The following AFP variants were observed in gnomAD, a reference collection of about 807,000 sequenced individuals.
The protein encoded by AFP is alpha-fetoprotein.
A neutral mutation model predicts 78.9 loss-of-function variants in AFP; 64 were observed. That is an observed-to-expected ratio of 0.81 (90% CI 0.66 to 1.00). The LOEUF is 1.00. Among genes scored for constraint, AFP ranks in the 50% least tolerant of loss-of-function variants. AFP has a pLI of 0.00. For synonymous variants in AFP, 254 were observed against 243.8 expected, an observed-to-expected ratio of 1.04 and a Z score of -0.39; for missense variants, 689 against 703.8, an observed-to-expected ratio of 0.98 and a Z score of 0.24.
At chr4:73,451,801 G>A (rs1286700692) in intron 11 of AFP, among the ~76,000 whole-genome samples, 1 of 152,204 alleles carries the variant, frequency 6.6e-6, no homozygotes, top group Admixed American at 6.5e-5. Flanking sequence ...GACAGATAAA[G>A]TGCACACAAA....
At chr4:73,446,810 C>T (rs1326412416) in intron 7 of AFP, among the ~76,000 whole-genome samples, 1 of 152,170 alleles carries the variant, frequency 6.6e-6, no homozygotes, top group Non-Finnish European at 1.5e-5. Context: ...GCACATTTCC[C>T]TCTTATTTGT....
At chr4:73,449,209 T>A (rs1222428080) in intron 8 of AFP, 126 bp from the exon 9 acceptor site, 2 of 848,984 alleles carry the variant, frequency 2.4e-6, no homozygotes, top group East Asian at 5.4e-5. Context: ...TCATATTTGA[T>A]TTTCAGGTTT....
chr4:73,452,573 A>T lies in AFP; in HGVS notation c.1601A>T (p.His534Leu), dbSNP rs775316747. 2.5e-6 allele frequency: 4 copies of T among 1,613,910 alleles called. No homozygotes were observed. Among genetic ancestry groups the T allele is most frequent in the African/African-American group, 1.3e-5 (1 of 74,874 alleles). The part of the protein sequence containing the change: ...PAFSDDKFIF[H>L]KDLCQAQGVA... Reference sequence around the variant, plus strand: ...TTCTCTGATGACAAGTTCATTTTCCATAAGGATCTGTGCCAAGCTCAGGGT... The same window carrying T: ...TTCTCTGATGACAAGTTCATTTTCCTTAAGGATCTGTGCCAAGCTCAGGGT... Residue 534 changes from histidine to leucine, a missense_variant, in exon 12 of 15, where the codon CAT (histidine) becomes CTT (leucine). By Grantham distance (99) the His-to-Leu change is moderately conservative (BLOSUM62 -3). Coordinates refer to ENST00000395792, the MANE Select transcript of AFP (RefSeq NM_001134.3).
At chr4:73,444,942 AT>A (rs770042886) in intron 6 of AFP, 50 bp from the exon 7 acceptor site, 4 of 1,484,858 alleles carry the variant, frequency 2.7e-6, no homozygotes, top group Non-Finnish European at 3.7e-6. Context: ...ATTCTATTTT[AT>A]TTTGACAGAT....
intron 3 of AFP, 79 bp from the exon 4 acceptor site, chr4:73,440,523 T>C (rs1719626855): frequency 4.3e-6 from 5 of 1,154,962 alleles, no homozygotes; most frequent in Non-Finnish European, 5.2e-6. Flanking sequence ...TTTTAGACAT[T>C]AGAAAATGTT....
intron 2 of AFP, 87 bp downstream of exon 2, chr4:73,437,298 C>T: frequency 9.3e-7 from 1 of 1,069,964 alleles, no homozygotes; most frequent in South Asian, 1.3e-5. Flanking sequence ...CCTGTGAGCT[C>T]TTAAAAGCAC....
chr4:73,442,912 A>T (rs1719712276), intron 5 of AFP, among the ~76,000 whole-genome samples: 2 of 152,160 alleles, frequency 1.3e-5, no homozygotes, highest in Non-Finnish European at 2.9e-5. Context: ...AGGTAGAATA[A>T]TATCCACCAT....
In AFP at chr4:73,436,258, C is replaced by A. The variant is rs372836099; in HGVS notation, c.-5C>A. On this transcript the variant is annotated 5_prime_UTR_variant, in exon 1 of 15. Coordinates refer to ENST00000395792, the MANE Select transcript of AFP (RefSeq NM_001134.3). ...CCACTGCCAATAACAAAATAACTAG[C>A]AACCATGAAGTGGGTGGAATCAATT... is the stretch of plus-strand genomic sequence containing the variant. 29 of 1,586,414 alleles carry A rather than the reference C, an allele frequency of 1.8e-5. No homozygotes were observed. Among genetic ancestry groups the A allele is most frequent in the Non-Finnish European group, 2.5e-5 (29 of 1,156,340 alleles).
Position 73,452,437 on chromosome 4 carries a change from G to A in AFP, c.1465G>A (p.Glu489Lys). 6.2e-7 allele frequency: 1 copy of A among 1,614,000 alleles called. No homozygotes were observed. The highest frequency in any genetic ancestry group is 1.1e-5 in the South Asian group (1 of 91,076). The change falls in exon 12 of 15, where the codon GAA (glutamate) becomes AAA (lysine). Residue 489 changes from glutamate (E) to lysine (K), a missense_variant. By Grantham distance (56) the Glu-to-Lys change is moderately conservative (BLOSUM62 1). Transcript: ENST00000395792. ...TATCGGACACTTATGTATCAGACAT[G>A]AAATGACTCCAGTAAACCCTGGTGT... ...IIIGHLCIRH[E>K]MTPVNPGVGQ...
rs1404110561 is a variant in AFP, at chr4:73,447,592, G to A, written c.974G>A (p.Gly325Asp). 4 of 1,612,198 alleles carry A rather than the reference G, an allele frequency of 2.5e-6. No individual in the cohort carries two copies. The highest frequency in any genetic ancestry group is 1.7e-5 in the Admixed American group (1 of 59,980). The change falls in exon 8 of 15, where the codon GGT becomes GAT. Residue 325 changes from glycine (G) to aspartate (D), a missense_variant. Gly to Asp is a moderately conservative substitution (Grantham distance 94). Transcript: ENST00000395792. ...GCAGAAAATGATGAAAAACCTGAAG[G>A]TCTATCTCCAAATCTAAACAGGTTT... The part of the protein sequence containing the change: ...IHAENDEKPE[G>D]LSPNLNRFLG...
At chr4:73,446,873 G>C (rs1442087494) in intron 7 of AFP, among the ~76,000 whole-genome samples, 1 of 152,134 alleles carries the variant, frequency 6.6e-6, no homozygotes, top group East Asian at 1.9e-4. Flanking sequence ...ATGGAAAGAA[G>C]AATTGAACAA....
chr4:73,443,714 T>G (rs901279733), intron 6 of AFP, among the ~76,000 whole-genome samples: 1 of 152,160 alleles, frequency 6.6e-6, no homozygotes, highest in Non-Finnish European at 1.5e-5. Context: ...TTTAAGACAC[T>G]TAAGTTCTGG....
chr4:73,438,405 T>C, intron 3 of AFP, 99 bp downstream of exon 3: 5 of 1,320,486 alleles, frequency 3.8e-6, no homozygotes, highest in South Asian at 2.6e-5. Context: ...CATTTATATA[T>C]TTGAAGAGCT....
chr4:73,437,301 A>G, intron 2 of AFP, 90 bp downstream of exon 2: 1 of 962,294 alleles, frequency 1.0e-6, no homozygotes, highest in Non-Finnish European at 1.6e-6. Context: ...GTGAGCTCTT[A>G]AAAGCACAAA....
At chr4:73,438,751 G>A (rs1368531420) in intron 3 of AFP, among the ~76,000 whole-genome samples, 1 of 152,122 alleles carries the variant, frequency 6.6e-6, no homozygotes, top group Non-Finnish European at 1.5e-5. Context: ...TGACATAGGG[G>A]ATAGATAGCA....
chr4:73,438,628 G>A (rs190076673), intron 3 of AFP, among the ~76,000 whole-genome samples: 75 of 152,202 alleles, frequency 4.9e-4, no homozygotes, highest in African/African-American at 1.6e-3. Flanking sequence ...CCATTTCATA[G>A]TTAGCATGGA....
At chr4:73,441,357 G>C (rs921027906) in intron 4 of AFP, among the ~76,000 whole-genome samples, 3 of 151,748 alleles carry the variant, frequency 2.0e-5, no homozygotes, top group African/African-American at 4.8e-5. Flanking sequence ...ACGAGGTCAG[G>C]AGATCGAGAC....
In AFP at chr4:73,450,718, A is replaced by G; in HGVS notation, c.1393A>G (p.Ser465Gly). The change falls in exon 11 of 15, where the codon AGT becomes GGT. Residue 465 changes from serine to glycine, a missense_variant. Transcript: ENST00000395792. The stretch of plus-strand genomic sequence containing the variant: ...CACAGCAGCCACTTGTTGCCAACTC[A>G]GTGAGGACAAACTATTGGCCTGTGG... Reference protein sequence around the residue: ...AATAATCCQLSEDKLLACGEG... With the variant: ...AATAATCCQLGEDKLLACGEG... 1 of 1,614,200 alleles carries G rather than the reference A, an allele frequency of 6.2e-7. No individual in the cohort carries two copies.
intron 6 of AFP, 113 bp from the exon 7 acceptor site, chr4:73,444,879 AG>A (rs1184450202): frequency 2.1e-6 from 2 of 940,484 alleles, no homozygotes; most frequent in African/African-American, 1.7e-5. Flanking sequence ...TTAAACAACA[AG>A]GGAATTTCAG....
Sources: gnomAD v4.1 joint callset for allele counts (sites outside exome capture counted in the v4.1 genomes callset) on GRCh38, gnomAD v4.1.1 for gene constraint, MANE v1.5 for transcripts, NCBI Gene and HGNC (gene_info 2026-07-23, HGNC 2026-07-21) for gene names.